Variants in ZNF423 observed in about 807,000 individuals in gnomAD.
ZNF423 encodes zinc finger protein 423.
A neutral mutation model predicts 95.8 loss-of-function variants in ZNF423; 12 were observed. The observed-to-expected ratio is 0.13, with a 90% CI of 0.08 to 0.20. The LOEUF (loss-of-function observed/expected upper bound fraction) is 0.20. Among genes scored for constraint, ZNF423 ranks in the 10% least tolerant of loss-of-function variants. The pLI is 1.00. For synonymous variants in ZNF423, 749 were observed against 711.9 expected, an observed-to-expected ratio of 1.05 and a Z score of -0.83; for missense variants, 1,316 against 1,737.1, an observed-to-expected ratio of 0.76 and a Z score of 4.31.
chr16:49,817,727 T>A (rs893525095), intron 1 of ZNF423, among the ~76,000 whole-genome samples: 2 of 152,154 alleles, frequency 1.3e-5, no homozygotes, highest in Non-Finnish European at 2.9e-5. Flanking sequence ...GACCACCATG[T>A]CACTTATCCC....
At chr16:49,598,040 G>T (rs554660334) in intron 5 of ZNF423, among the ~76,000 whole-genome samples, 1 of 152,262 alleles carries the variant, frequency 6.6e-6, no homozygotes, top group South Asian at 2.1e-4. Context: ...TGCAGAACAG[G>T]TCCTCATGGG....
intron 5 of ZNF423, among the ~76,000 whole-genome samples, chr16:49,539,327 G>A (rs368410091): frequency 2.6e-5 from 4 of 152,090 alleles, no homozygotes; most frequent in Admixed American, 1.3e-4. Context: ...GCATCTTCCC[G>A]GGAACCCCAT....
intron 3 of ZNF423, among the ~76,000 whole-genome samples, chr16:49,691,846 C>A (rs2031794199): frequency 6.6e-6 from 1 of 152,194 alleles, no homozygotes; most frequent in Admixed American, 6.5e-5. Context: ...TGACTATAAG[C>A]CTGGGGCTGA....
intron 7 of ZNF423, chr16:49,518,584 G>T: frequency 2.5e-6 from 1 of 400,556 alleles, no homozygotes; most frequent in South Asian, 1.8e-5. Context: ...ATGTTCCATT[G>T]CAAAAAAAAA....
intron 1 of ZNF423, among the ~76,000 whole-genome samples, chr16:49,811,414 G>C (rs1408485941): frequency 6.6e-6 from 1 of 152,090 alleles, no homozygotes; most frequent in Admixed American, 6.5e-5. Context: ...GGAGACAATG[G>C]CACCACTCTA....
rs560211138 is a variant in ZNF423, at chr16:49,492,130, G to C, written c.3850-826C>G. ...CTGTTTCACAGGAGCCAGCGGCCTG[G>C]GACTGGGGGTGGGATTTGGCATCTG... On this transcript the variant is annotated intron_variant, in intron 7 of 7. Transcript: ENST00000563137. This position sits in a 1 kb window ranked among gnomAD's most constrained non-coding sequence, Gnocchi z 4.2. Among the ~76,000 whole-genome samples the C allele has an allele frequency of 6.6e-6, 1 of 152,338 alleles. No homozygotes were observed. The highest frequency in any genetic ancestry group is 2.1e-4 in the South Asian group (1 of 4,822).
At chr16:49,801,317 C>T (rs1401748600) in intron 1 of ZNF423, among the ~76,000 whole-genome samples, 10 of 152,222 alleles carry the variant, frequency 6.6e-5, no homozygotes, top group Non-Finnish European at 7.3e-5. Context: ...CAGATGTTTC[C>T]TCAGCTCCTG....
chr16:49,746,752 G>A (rs989851372), intron 2 of ZNF423, among the ~76,000 whole-genome samples: 3 of 152,136 alleles, frequency 2.0e-5, no homozygotes, highest in Admixed American at 1.3e-4. Flanking sequence ...GGTTACAGGC[G>A]TGAACCACCA....
intron 3 of ZNF423, among the ~76,000 whole-genome samples, chr16:49,681,684 G>A (rs1046182334): frequency 6.6e-6 from 1 of 152,208 alleles, no homozygotes; most frequent in Non-Finnish European, 1.5e-5. Context: ...CACAGCCTCG[G>A]CCACTCCCCC....
chr16:49,797,968 G>C (rs1249373167), intron 1 of ZNF423, among the ~76,000 whole-genome samples: 2 of 152,172 alleles, frequency 1.3e-5, no homozygotes, highest in Non-Finnish European at 2.9e-5. Flanking sequence ...CCAGCACTTT[G>C]GGAGGCCAAG....
intron 2 of ZNF423, 132 bp downstream of exon 2, chr16:49,789,355 G>T: frequency 2.6e-6 from 2 of 757,590 alleles, no homozygotes; most frequent in Non-Finnish European, 4.2e-6. Flanking sequence ...GTGTTGCATG[G>T]GGTAGTCTGG....
chr16:49,630,183 CA>C (rs1378014589), intron 4 of ZNF423, among the ~76,000 whole-genome samples: 1 of 152,112 alleles, frequency 6.6e-6, no homozygotes, highest in African/African-American at 2.4e-5. Context: ...CCAGCCTTGC[CA>C]CAGACAAAGG....
In ZNF423 at chr16:49,815,866, CAAACAAAAAAA is replaced by C. The variant is rs1265115623; in HGVS notation, c.41-26331_41-26321del. Reference sequence around the variant, plus strand: ...TTAAGTGTTACATTCTAATTCCAAACAAACAAAAAAAAAAAATATATATATATATATATATA... The same window carrying C: ...TTAAGTGTTACATTCTAATTCCAAACAAAAATATATATATATATATATATA... On this transcript the variant is annotated intron_variant, in intron 1 of 7. Coordinates refer to ENST00000563137, the MANE Select transcript of ZNF423 (RefSeq NM_001379286.1). 9.6e-3 allele frequency among the ~76,000 whole-genome samples: 555 copies of C among 57,828 alleles called. 16 individuals are homozygous for C. Among genetic ancestry groups the C allele is most frequent in the African/African-American group, 0.046 (529 of 11,460 alleles). The allele number at this position is 57,828 out of a possible 152,430, so 37.9% of individuals were successfully genotyped here.
At chr16:49,839,363 C>G (rs371159389) in intron 1 of ZNF423, among the ~76,000 whole-genome samples, 1 of 152,122 alleles carries the variant, frequency 6.6e-6, no homozygotes, top group Non-Finnish European at 1.5e-5. Flanking sequence ...TCTGAGGTAA[C>G]GGGCTGTGGG....
At chr16:49,711,420 T>C (rs2032539963) in intron 3 of ZNF423, 1 of 152,184 alleles carries the variant, frequency 6.6e-6, no homozygotes, top group Non-Finnish European at 1.5e-5. Flanking sequence ...TGAGGTCTAA[T>C]ACTAAATGGA....
chr16:49,585,384 C>A (rs1372859070), intron 5 of ZNF423, among the ~76,000 whole-genome samples: 1 of 152,200 alleles, frequency 6.6e-6, no homozygotes, highest in Non-Finnish European at 1.5e-5. Context: ...CCCACAGCTA[C>A]CAATGGAGGG....
At chr16:49,804,084 C>A (rs1000638036) in intron 1 of ZNF423, among the ~76,000 whole-genome samples, 2 of 151,834 alleles carry the variant, frequency 1.3e-5, no homozygotes, top group African/African-American at 4.8e-5. Flanking sequence ...TACAGATGCC[C>A]GCCACTACGC....
At chr16:49,761,493 C>T (rs915754913) in intron 2 of ZNF423, among the ~76,000 whole-genome samples, 1 of 152,204 alleles carries the variant, frequency 6.6e-6, no homozygotes, top group African/African-American at 2.4e-5. Context: ...AGGAGAACGA[C>T]GCTGGTCCCA....
chr16:49,670,828 G>A (rs1191257486), intron 3 of ZNF423, among the ~76,000 whole-genome samples: 2 of 152,220 alleles, frequency 1.3e-5, no homozygotes, highest in Admixed American at 1.3e-4. Context: ...AGCTGACAAC[G>A]CCGGCTTGAG....
Sources: gnomAD v4.1 joint callset for allele counts (sites outside exome capture counted in the v4.1 genomes callset) on GRCh38, gnomAD v4.1.1 for gene constraint, Gnocchi (gnomAD v3.1) non-coding constraint, MANE v1.5 for transcripts, NCBI Gene and HGNC (gene_info 2026-07-23, HGNC 2026-07-21) for gene names.